PELI2: variants seen among roughly 807,000 people sequenced by gnomAD.
PELI2 encodes the protein E3 ubiquitin-protein ligase pellino homolog 2.
PELI2 carries 23 observed loss-of-function variants against 42.3 expected under a neutral mutation model. The observed-to-expected ratio is 0.54, with a 90% CI of 0.39 to 0.77. PELI2 has a LOEUF of 0.77. Among genes scored for constraint, PELI2 ranks in the 30% least tolerant of loss-of-function variants. The probability of loss-of-function intolerance (pLI) is 0.00; values close to 1 mark genes in which losing one functional copy is unlikely to be tolerated. For synonymous variants in PELI2, 245 were observed against 212.2 expected, an observed-to-expected ratio of 1.15 and a Z score of -1.34; for missense variants, 463 against 553.2, an observed-to-expected ratio of 0.84 and a Z score of 1.64.
intron 2 of PELI2, among the ~76,000 whole-genome samples, chr14:56,203,507 A>C (rs964179705): frequency 3.3e-5 from 5 of 152,044 alleles, no homozygotes; most frequent in African/African-American, 1.2e-4. Flanking sequence ...GTATCTGTAG[A>C]CTTTTTTTCT....
chr14:56,188,207 T>TA (rs1197838117), intron 2 of PELI2, among the ~76,000 whole-genome samples: 1 of 152,228 alleles, frequency 6.6e-6, no homozygotes, highest in Non-Finnish European at 1.5e-5. Context: ...TGAAGGCAGA[T>TA]ACTATCTTTC....
intron 2 of PELI2, among the ~76,000 whole-genome samples, chr14:56,272,914 T>A (rs974160266): frequency 6.6e-6 from 1 of 152,198 alleles, no homozygotes; most frequent in African/African-American, 2.4e-5. Context: ...CGTAGTGTCT[T>A]GGGTGATGAG....
chr14:56,226,630 C>T (rs940532694), intron 2 of PELI2, among the ~76,000 whole-genome samples: 9 of 152,284 alleles, frequency 5.9e-5, no homozygotes, highest in Admixed American at 5.9e-4. Context: ...CCCTTCCAGA[C>T]GTAGATGCCA....
At chr14:56,167,914 GGAGACTCAGA>G (rs1173880855) in intron 1 of PELI2, among the ~76,000 whole-genome samples, 1 of 152,190 alleles carries the variant, frequency 6.6e-6, no homozygotes, top group African/African-American at 2.4e-5. Flanking sequence ...TGTGGTTCTT[GGAGACTCAGA>G]GAGAAACTGC....
intron 2 of PELI2, among the ~76,000 whole-genome samples, chr14:56,212,215 C>T (rs1242648942): frequency 6.6e-6 from 1 of 152,238 alleles, no homozygotes; most frequent in Non-Finnish European, 1.5e-5. Flanking sequence ...GTCTACAAAA[C>T]AATCCATTCT....
intron 2 of PELI2, among the ~76,000 whole-genome samples, chr14:56,262,173 C>T (rs1156505050): frequency 6.6e-6 from 1 of 152,172 alleles, no homozygotes; most frequent in Non-Finnish European, 1.5e-5. Context: ...CAAATCTGTC[C>T]TTTCATTTAT....
chr14:56,159,397 T>C (rs1233175505), intron 1 of PELI2, among the ~76,000 whole-genome samples: 3 of 152,240 alleles, frequency 2.0e-5, no homozygotes, highest in African/African-American at 7.2e-5. Context: ...CAGGCACATT[T>C]CATGCCAAAG....
Position 56,130,878 on chromosome 14 carries a change from C to G in PELI2, c.77+12141C>G, listed in dbSNP as rs536729802. ...CAGAAAAGCTGTCTAACCTTATTAG[C>G]TGTGGCATGTACCCTTGAAATCTTT... is the stretch of plus-strand genomic sequence containing the variant. On this transcript the variant is annotated intron_variant, in intron 1 of 5. Transcript: ENST00000267460. Among the ~76,000 whole-genome samples the G allele has an allele frequency of 5.9e-5, 9 of 152,276 alleles. No individual in the cohort carries two copies. The East Asian group carries it at 1.7e-3, about 29-fold the overall frequency.
intron 2 of PELI2, among the ~76,000 whole-genome samples, chr14:56,247,831 A>G (rs1366322668): frequency 1.3e-5 from 2 of 152,208 alleles, no homozygotes; most frequent in East Asian, 3.8e-4. Context: ...CCTTCATGGA[A>G]TCTTGTTAAG....
intron 5 of PELI2, among the ~76,000 whole-genome samples, chr14:56,293,979 TG>T (rs1410996354): frequency 6.6e-6 from 1 of 152,108 alleles, no homozygotes; most frequent in Non-Finnish European, 1.5e-5. Flanking sequence ...GAATTGCCTG[TG>T]GTCAGCAAGG....
chr14:56,127,864 A>C (rs867739377), intron 1 of PELI2, among the ~76,000 whole-genome samples: 3 of 152,198 alleles, frequency 2.0e-5, no homozygotes, highest in Admixed American at 6.5e-5. Context: ...TGATCAACTG[A>C]GTGTAAAAGA....
chr14:56,254,788 T>A (rs965444002), intron 2 of PELI2, among the ~76,000 whole-genome samples: 1 of 152,008 alleles, frequency 6.6e-6, no homozygotes, highest in Admixed American at 6.6e-5. Context: ...CTTAAACAAA[T>A]TTACAAGAAA....
At chr14:56,255,640 A>G (rs1267465091) in intron 2 of PELI2, among the ~76,000 whole-genome samples, 1 of 152,172 alleles carries the variant, frequency 6.6e-6, no homozygotes, top group Non-Finnish European at 1.5e-5. Flanking sequence ...TAATTTTTTA[A>G]AAAGTGGGGT....
chr14:56,143,947 A>G (rs1191857278), intron 1 of PELI2, among the ~76,000 whole-genome samples: 1 of 152,162 alleles, frequency 6.6e-6, no homozygotes, highest in East Asian at 1.9e-4. Flanking sequence ...TTGCTACTGG[A>G]TTATCATTGC....
At chr14:56,290,929 A>G (rs1025420449) in intron 5 of PELI2, among the ~76,000 whole-genome samples, 1 of 152,334 alleles carries the variant, frequency 6.6e-6, no homozygotes, top group Admixed American at 6.5e-5. Flanking sequence ...AGAATTCTCT[A>G]TACTGTCCAC....
At chr14:56,193,743 A>T (rs1304833392) in intron 2 of PELI2, among the ~76,000 whole-genome samples, 1 of 152,258 alleles carries the variant, frequency 6.6e-6, no homozygotes, top group African/African-American at 2.4e-5. Context: ...CACGCTTCTG[A>T]TAAAGAATTG....
At chr14:56,144,126 C>A (rs1884020250) in intron 1 of PELI2, among the ~76,000 whole-genome samples, 1 of 152,210 alleles carries the variant, frequency 6.6e-6, no homozygotes. Flanking sequence ...TCATTCTAGC[C>A]TTCTCTTTTC....
chr14:56,184,288 C>T (rs916303849), intron 2 of PELI2, among the ~76,000 whole-genome samples: 1 of 151,894 alleles, frequency 6.6e-6, no homozygotes, highest in South Asian at 2.1e-4. Context: ...ATTTATTTGA[C>T]AAATACTAAG....
Position 56,179,542 on chromosome 14 carries a change from G to A in PELI2, c.207+1078G>A, listed in dbSNP as rs78224625. Among the ~76,000 whole-genome samples the A allele has an allele frequency of 1.0e-2, 1,519 of 152,136 alleles. 28 individuals carry two copies. Among genetic ancestry groups the A allele is most frequent in the African/African-American group, 0.034 (1,407 of 41,486 alleles). On this transcript the variant is annotated intron_variant, in intron 2 of 5. Transcript: ENST00000267460. ...TAGATAAGAAAATATCAAACACCAC[G>A]GAAACAAGAAAGATTAATATTTAGT...
Sources: allele counts gnomAD v4.1 joint callset (sites outside exome capture counted in the v4.1 genomes callset), GRCh38; gene constraint gnomAD v4.1.1; transcripts MANE v1.5; gene names NCBI Gene and HGNC (gene_info 2026-07-23, HGNC 2026-07-21).